FBXL2: variants seen among roughly 807,000 people sequenced by gnomAD.
FBXL2 encodes the protein F-box/LRR-repeat protein 2.
In FBXL2, 38 loss-of-function variants were observed where a neutral mutation model predicts 69.2. That is an observed-to-expected ratio of 0.55 (90% confidence interval 0.42 to 0.72). The LOEUF (loss-of-function observed/expected upper bound fraction) is 0.72, where lower values mean the gene tolerates loss of function less well. Ranked by LOEUF, FBXL2 falls within the 30% of genes least tolerant of loss-of-function variation. The pLI, the probability that FBXL2 is intolerant of heterozygous loss-of-function variation, is 0.00. For synonymous variants in FBXL2, 192 were observed against 201.3 expected (o/e 0.95, Z 0.39); for missense variants, 354 against 520.3 (o/e 0.68, Z 3.11).
chr3:33,400,529 T>C (rs2044184092), intron 12 of FBXL2, among the ~76,000 whole-genome samples: 1 of 152,164 alleles, frequency 6.6e-6, no homozygotes, highest in South Asian at 2.1e-4. Context: ...TGCAGCAACA[T>C]GGACAACATG....
At chr3:33,281,867 C>G (rs971705281) in intron 1 of FBXL2, among the ~76,000 whole-genome samples, 2 of 152,078 alleles carry the variant, frequency 1.3e-5, no homozygotes, top group African/African-American at 4.8e-5. Context: ...CTGTTCATAT[C>G]CGTTGCCCAG....
chr3:33,395,644 G>A (rs574894623), intron 12 of FBXL2, among the ~76,000 whole-genome samples: 36 of 145,042 alleles, frequency 2.5e-4, no homozygotes, highest in Middle Eastern at 7.5e-3. Context: ...AATGCTGGCC[G>A]AACACTTGTC....
chr3:33,392,848 C>T (rs187911468), downstream of FBXL2: 3 of 434,092 alleles, frequency 6.9e-6, no homozygotes, highest in African/African-American at 2.0e-5. Context: ...ATGTGACCCA[C>T]AGGGGCACAT....
At chr3:33,410,543 C>T in the FBXL2 span, among the ~76,000 whole-genome samples, 1 of 152,144 alleles carries the variant, frequency 6.6e-6, no homozygotes, top group African/African-American at 2.4e-5. Context: ...TGATTTTTTA[C>T]AGTTCATGCA....
intron 10 of FBXL2, among the ~76,000 whole-genome samples, chr3:33,376,986 T>TGA (rs1382018726): frequency 3.3e-5 from 5 of 152,128 alleles, no homozygotes; most frequent in South Asian, 2.1e-4. Flanking sequence ...GGTGACAGTA[T>TGA]GAGACGCTGT....
intron 2 of FBXL2, among the ~76,000 whole-genome samples, chr3:33,333,730 G>C (rs1420848231): frequency 6.6e-6 from 1 of 152,128 alleles, no homozygotes; most frequent in Admixed American, 6.6e-5. Flanking sequence ...CAAATGCAAA[G>C]AGGAATCATT....
rs775021532 is a variant in FBXL2, at chr3:33,385,629, G to A, written c.*21G>A. ...TCTGACAGCAGCTGCCTGGGCCCAA[G>A]GGGTGATGAGGCATCCTTTCCTCTA... On this transcript the variant is annotated 3_prime_UTR_variant, in exon 15 of 15. Transcript: ENST00000484457. 16 of 1,583,478 alleles carry A rather than the reference G, an allele frequency of 1.0e-5. No homozygotes were observed. The highest frequency in any genetic ancestry group is 1.4e-5 in the Non-Finnish European group (16 of 1,152,366).
intron 12 of FBXL2, chr3:33,400,196 A>T: frequency 6.3e-7 from 1 of 1,586,906 alleles, no homozygotes; most frequent in Non-Finnish European, 8.5e-7. Context: ...TACCTGAAAA[A>T]TTAGAGAACA....
chr3:33,351,742 T>C (rs976075340), intron 2 of FBXL2, among the ~76,000 whole-genome samples: 7 of 152,188 alleles, frequency 4.6e-5, no homozygotes, highest in African/African-American at 1.7e-4. Flanking sequence ...CTTGGCAGTT[T>C]CTTACAAAGC....
chr3:33,323,668 A>T (rs990067259), intron 2 of FBXL2, among the ~76,000 whole-genome samples: 1 of 152,330 alleles, frequency 6.6e-6, no homozygotes, highest in South Asian at 2.1e-4. Flanking sequence ...ATAGTATCCC[A>T]TGGTATATAT....
chr3:33,292,758 C>T (rs2125702967), intron 1 of FBXL2, among the ~76,000 whole-genome samples: 1 of 151,998 alleles, frequency 6.6e-6, no homozygotes, highest in Non-Finnish European at 1.5e-5. Flanking sequence ...AAAAAACTTC[C>T]CACATGATCC....
At chr3:33,282,455 T>C (rs2034127311) in intron 1 of FBXL2, among the ~76,000 whole-genome samples, 1 of 152,218 alleles carries the variant, frequency 6.6e-6, no homozygotes, top group African/African-American at 2.4e-5. Flanking sequence ...TGTAGCCTTG[T>C]AGTATAGTTT....
Position 33,333,482 on chromosome 3 carries a change from T to C in FBXL2, c.66-25485T>C, listed in dbSNP as rs549017343. ...CTTCTGCTTCTACTTCAGAAGAACATGAAAGACTTTTGCTCCCATGATAAT... is the reference window on the plus strand; with the variant it reads ...CTTCTGCTTCTACTTCAGAAGAACACGAAAGACTTTTGCTCCCATGATAAT... On this transcript the variant is annotated intron_variant, in intron 2 of 14. Transcript: ENST00000484457. Among the ~76,000 whole-genome samples, 18 of 152,346 alleles carry C rather than the reference T, an allele frequency of 1.2e-4. No individual in the cohort carries two copies. The South Asian group carries it at 3.5e-3, about 30-fold the overall frequency.
chr3:33,328,023 A>G (rs1559548439), intron 2 of FBXL2, among the ~76,000 whole-genome samples: 2 of 152,096 alleles, frequency 1.3e-5, no homozygotes, highest in Non-Finnish European at 2.9e-5. Flanking sequence ...CAAAGGCAGC[A>G]TACAAAAGTC....
At chr3:33,419,765 C>T in the FBXL2 span, among the ~76,000 whole-genome samples, 5 of 152,242 alleles carry the variant, frequency 3.3e-5, no homozygotes, top group African/African-American at 4.8e-5. Flanking sequence ...TTAGAAATTT[C>T]CTAATTTGTC....
At chr3:33,290,700 T>C (rs1299019617) in intron 1 of FBXL2, among the ~76,000 whole-genome samples, 1 of 152,126 alleles carries the variant, frequency 6.6e-6, no homozygotes, top group Non-Finnish European at 1.5e-5. Flanking sequence ...TCAAGATCTG[T>C]GGGACAATAC....
At chr3:33,397,224 C>T (rs2044035487) in intron 12 of FBXL2, 3 of 945,176 alleles carry the variant, frequency 3.2e-6, no homozygotes, top group Non-Finnish European at 4.7e-6. Context: ...GTCCAATGTC[C>T]TTCAAAATAA....
chr3:33,393,881 A>G (rs1192729232), intron 12 of FBXL2, among the ~76,000 whole-genome samples: 1 of 152,244 alleles, frequency 6.6e-6, no homozygotes, highest in Non-Finnish European at 1.5e-5. Flanking sequence ...TAAATTGGCT[A>G]AAATACCATT....
At chr3:33,374,507 G>GA (rs1478758813) in intron 9 of FBXL2, among the ~76,000 whole-genome samples, 2 of 152,144 alleles carry the variant, frequency 1.3e-5, no homozygotes, top group Non-Finnish European at 2.9e-5. Context: ...AAAGGTAAGG[G>GA]AAAACCCTTG....
Sources: allele counts gnomAD v4.1 joint callset (sites outside exome capture counted in the v4.1 genomes callset), GRCh38; gene constraint gnomAD v4.1.1; transcripts MANE v1.5; gene names NCBI Gene and HGNC (gene_info 2026-07-23, HGNC 2026-07-21).